Variants in CATSPERT observed in about 807,000 individuals in gnomAD.
CATSPERT encodes the protein catsper channel auxiliary subunit tau.
the CATSPERT span, among the ~76,000 whole-genome samples, chr2:201,562,670 C>A: frequency 6.9e-6 from 1 of 145,592 alleles, no homozygotes; most frequent in African/African-American, 2.5e-5. Context: ...CAGCCTTCCG[C>A]AGCGTTTGTG....
the CATSPERT span, among the ~76,000 whole-genome samples, chr2:201,597,434 G>A: frequency 1.3e-5 from 2 of 152,002 alleles, no homozygotes; most frequent in Non-Finnish European, 2.9e-5. Flanking sequence ...TTTTTCTTTA[G>A]AAACCTGCTC....
chr2:201,491,422 G>C, the CATSPERT span: 2 of 1,537,062 alleles, frequency 1.3e-6, no homozygotes, highest in Non-Finnish European at 1.7e-6. Context: ...CTGTATTTCA[G>C]GGAACTTGGC....
At chr2:201,514,201 A>G in the CATSPERT span, among the ~76,000 whole-genome samples, 1 of 152,180 alleles carries the variant, frequency 6.6e-6, no homozygotes, top group Non-Finnish European at 1.5e-5. Flanking sequence ...AACTCATTCT[A>G]CAATACCAAC....
the CATSPERT span, among the ~76,000 whole-genome samples, chr2:201,567,079 T>C: frequency 3.3e-5 from 5 of 152,226 alleles, no homozygotes; most frequent in African/African-American, 1.2e-4. Context: ...TTCTATACTA[T>C]GCATAGTGGT....
At chr2:201,542,506 A>G in the CATSPERT span, among the ~76,000 whole-genome samples, 1 of 152,122 alleles carries the variant, frequency 6.6e-6, no homozygotes, top group Non-Finnish European at 1.5e-5. Flanking sequence ...TAGGGTTCAA[A>G]TTTCTTCACA....
the CATSPERT span, chr2:201,536,411 AC>A: frequency 1.4e-6 from 2 of 1,404,284 alleles, no homozygotes; most frequent in African/African-American, 2.9e-5. Context: ...AATCAATTGT[AC>A]CCTTATCCTT....
At chr2:201,546,204 A>G in the CATSPERT span, among the ~76,000 whole-genome samples, 1 of 152,090 alleles carries the variant, frequency 6.6e-6, no homozygotes, top group Non-Finnish European at 1.5e-5. Flanking sequence ...CAGAAGCCCA[A>G]CTCTGCCCAA....
At chr2:201,604,418 C>G in the CATSPERT span, among the ~76,000 whole-genome samples, 7 of 151,932 alleles carry the variant, frequency 4.6e-5, no homozygotes, top group South Asian at 2.1e-4. Context: ...TTGGGAATCC[C>G]TAATATAGAA....
At chr2:201,527,562 C>G in the CATSPERT span, among the ~76,000 whole-genome samples, 1 of 152,076 alleles carries the variant, frequency 6.6e-6, no homozygotes, top group Non-Finnish European at 1.5e-5. Flanking sequence ...AAAACAGACA[C>G]ATAGACCAAT....
chr2:201,615,755 A>C, the CATSPERT span, among the ~76,000 whole-genome samples: 331 of 152,188 alleles, frequency 2.2e-3, 3 homozygotes, highest in Non-Finnish European at 6.3e-4. Context: ...TCAAAAAATC[A>C]ATGAATCCAG....
At chr2:201,494,272 A>G in the CATSPERT span, 89 of 1,536,920 alleles carry the variant, frequency 5.8e-5, no homozygotes, top group Non-Finnish European at 7.4e-5. Context: ...TTTAGAAAAT[A>G]ATTTGTCTGA....
At chr2:201,537,953 G>C in the CATSPERT span, among the ~76,000 whole-genome samples, 1 of 152,032 alleles carries the variant, frequency 6.6e-6, no homozygotes, top group Admixed American at 6.6e-5. Flanking sequence ...AACTGAAGCA[G>C]AATTCTAGCA....
At chr2:201,618,680 C>T in the CATSPERT span, among the ~76,000 whole-genome samples, 1 of 148,990 alleles carries the variant, frequency 6.7e-6, no homozygotes, top group Non-Finnish European at 1.5e-5. Flanking sequence ...GCACGTTGTG[C>T]ACATGTACCC....
chr2:201,561,869 A>G, the CATSPERT span, among the ~76,000 whole-genome samples: 2 of 151,312 alleles, frequency 1.3e-5, no homozygotes, highest in Non-Finnish European at 2.9e-5. Context: ...GTGAGACTCC[A>G]TCTCAAAAAA....
chr2:201,539,511 GTTT>G, the CATSPERT span, among the ~76,000 whole-genome samples: 71 of 89,746 alleles, frequency 7.9e-4, no homozygotes, highest in African/African-American at 2.6e-3. Context: ...TTTTAACGAG[GTTT>G]TTTTTTTTTT....
the CATSPERT span, among the ~76,000 whole-genome samples, chr2:201,571,054 C>G: frequency 1.3e-5 from 2 of 152,266 alleles, no homozygotes; most frequent in African/African-American, 2.4e-5. Flanking sequence ...TTGCATTAAA[C>G]CACGAGCTAC....
At chr2:201,537,411 A>G in the CATSPERT span, 2 of 1,556,678 alleles carry the variant, frequency 1.3e-6, no homozygotes, top group Non-Finnish European at 8.7e-7. Flanking sequence ...ATGACTATTA[A>G]AAGTTCTCTT....
the CATSPERT span, chr2:201,491,931 A>G: frequency 6.5e-7 from 1 of 1,536,930 alleles, no homozygotes; most frequent in East Asian, 2.4e-5. Context: ...GTATATCTGT[A>G]AGTATTTCTG....
the CATSPERT span, among the ~76,000 whole-genome samples, chr2:201,563,870 G>C: frequency 1.3e-3 from 196 of 152,308 alleles, 1 homozygote; most frequent in African/African-American, 4.5e-3. Flanking sequence ...GCACACCCAA[G>C]ATTCCAGACA....
Sources: allele counts gnomAD v4.1 joint callset (sites outside exome capture counted in the v4.1 genomes callset), GRCh38; gene constraint gnomAD v4.1.1; transcripts MANE v1.5; gene names NCBI Gene and HGNC (gene_info 2026-07-23, HGNC 2026-07-21).